RBMS3: variants seen among roughly 807,000 people sequenced by gnomAD.
The protein encoded by RBMS3 is RNA binding motif single stranded interacting protein 3.
RBMS3 carries 27 observed loss-of-function variants against 66.8 expected under a neutral mutation model. The ratio of observed to expected loss-of-function variants is 0.40; its 90% CI spans 0.30 to 0.56. RBMS3 has a LOEUF of 0.56. Among genes scored for constraint, RBMS3 ranks in the 20% least tolerant of loss-of-function variants. RBMS3 has a pLI of 0.40. For missense variants in RBMS3, 513 were observed against 549.5 expected, an observed-to-expected ratio of 0.93 and a Z score of 0.66; for synonymous variants, 188 against 183.0, an observed-to-expected ratio of 1.03 and a Z score of -0.22.
intron 6 of RBMS3, 89 bp from the exon 7 acceptor site, chr3:29,868,769 A>C: frequency 9.1e-7 from 1 of 1,093,112 alleles, no homozygotes. Context: ...TTCAAAAGAT[A>C]CTCATTACAA....
In RBMS3 at chr3:29,968,521, G is replaced by A. The variant is rs1004845627; in HGVS notation, c.1099-19622G>A. Among the ~76,000 whole-genome samples the A allele has an allele frequency of 2.7e-5, 4 of 150,120 alleles. No individual in the cohort carries two copies. In the Admixed American group the frequency reaches 2.7e-4, roughly 10 times the overall value. On this transcript the variant is annotated intron_variant, in intron 12 of 14. Transcript: ENST00000383767. ...CCCGGTGAGCTCCCAGGGCCTTTCTGCTGCTTCCTCTATCCCTGTATTTCA... is the reference window on the plus strand; with the variant it reads ...CCCGGTGAGCTCCCAGGGCCTTTCTACTGCTTCCTCTATCCCTGTATTTCA...
At chr3:29,472,661 C>T (rs2042775909) in intron 2 of RBMS3, among the ~76,000 whole-genome samples, 2 of 152,040 alleles carry the variant, frequency 1.3e-5, no homozygotes, top group Admixed American at 1.3e-4. Flanking sequence ...AGTGTTACAG[C>T]TCTTAAGGCG....
chr3:29,704,068 T>C (rs566503852), intron 4 of RBMS3, among the ~76,000 whole-genome samples: 46 of 152,322 alleles, frequency 3.0e-4, no homozygotes, highest in African/African-American at 1.1e-3. Flanking sequence ...GATTGGACTG[T>C]CTAGTTGCAG....
At chr3:29,778,554 G>A (rs997416353) in intron 6 of RBMS3, among the ~76,000 whole-genome samples, 18 of 151,598 alleles carry the variant, frequency 1.2e-4, no homozygotes, top group African/African-American at 4.3e-4. Context: ...GTTCCATCTT[G>A]CAGATGAGGA....
chr3:29,726,568 C>A (rs894993021), intron 4 of RBMS3, among the ~76,000 whole-genome samples: 1 of 152,040 alleles, frequency 6.6e-6, no homozygotes, highest in African/African-American at 2.4e-5. Flanking sequence ...ACCAACAAGA[C>A]AAGCAGAGAT....
intron 3 of RBMS3, among the ~76,000 whole-genome samples, chr3:29,553,536 G>A (rs2149035254): frequency 6.6e-6 from 1 of 152,136 alleles, no homozygotes; most frequent in Admixed American, 6.5e-5. Flanking sequence ...GAATAATCTT[G>A]GGCCAGGTGG....
chr3:29,793,191 A>G (rs984345865), intron 6 of RBMS3, among the ~76,000 whole-genome samples: 26 of 151,734 alleles, frequency 1.7e-4, no homozygotes, highest in African/African-American at 6.0e-4. Flanking sequence ...AGATTGCACC[A>G]CTGCACTTCA....
chr3:29,987,974 G>A (rs1698545340), intron 12 of RBMS3, 169 bp from the exon 13 acceptor site: 1 of 561,128 alleles, frequency 1.8e-6, no homozygotes, highest in Non-Finnish European at 3.2e-6. Flanking sequence ...AGCAAGCAAA[G>A]GCCTTTCAAT....
intron 1 of RBMS3, among the ~76,000 whole-genome samples, chr3:29,410,701 T>C (rs1042925672): frequency 6.6e-6 from 1 of 152,198 alleles, no homozygotes; most frequent in African/African-American, 2.4e-5. Context: ...AGAAAGTACA[T>C]ATTACTTTTT....
intron 1 of RBMS3, among the ~76,000 whole-genome samples, chr3:29,299,115 C>G (rs1031518217): frequency 6.6e-6 from 1 of 151,860 alleles, no homozygotes; most frequent in East Asian, 1.9e-4. Context: ...AGGGAGAAGA[C>G]AGTCTTGGGC....
chr3:29,959,297 A>G (rs1161965096), intron 12 of RBMS3, among the ~76,000 whole-genome samples: 1 of 152,170 alleles, frequency 6.6e-6, no homozygotes. Flanking sequence ...TTGACTTAGC[A>G]TGTTCAATTT....
chr3:29,703,170 A>G (rs932640385), intron 4 of RBMS3, among the ~76,000 whole-genome samples: 3 of 152,204 alleles, frequency 2.0e-5, no homozygotes, highest in Admixed American at 6.5e-5. Flanking sequence ...ATTGCATTAC[A>G]TTTCCGAAGC....
At chr3:29,513,042 C>A (rs1027725903) in intron 3 of RBMS3, among the ~76,000 whole-genome samples, 3 of 152,046 alleles carry the variant, frequency 2.0e-5, no homozygotes, top group Non-Finnish European at 4.4e-5. Context: ...TCAGCAAGAC[C>A]CCTCAGCAGC....
intron 5 of RBMS3, among the ~76,000 whole-genome samples, chr3:29,754,472 C>A (rs944015740): frequency 3.4e-4 from 51 of 152,204 alleles, no homozygotes; most frequent in Admixed American, 3.3e-4. Flanking sequence ...GCATTCAAAT[C>A]TGAGGAGGGC....
intron 6 of RBMS3, among the ~76,000 whole-genome samples, chr3:29,833,543 G>A (rs1177284665): frequency 6.6e-6 from 1 of 152,200 alleles, no homozygotes; most frequent in South Asian, 2.1e-4. Context: ...TGAATAAAAT[G>A]AAAATTGCAA....
At chr3:29,662,880 G>A (rs749846983) in intron 4 of RBMS3, among the ~76,000 whole-genome samples, 19 of 152,186 alleles carry the variant, frequency 1.2e-4, no homozygotes, top group South Asian at 4.1e-4. Flanking sequence ...TAAAACATCC[G>A]TTTCTTCTAA....
chr3:29,322,015 C>T lies in RBMS3; in HGVS notation c.75+40259C>T, dbSNP rs144866964. ...TTAATAATGAGACTGTACAAGAATA[C>T]GTGATAAAATTGTAGAAAAAGAAAT... On this transcript the variant is annotated intron_variant, in intron 1 of 14. Coordinates refer to ENST00000383767, the MANE Select transcript of RBMS3 (RefSeq NM_001003793.3). Among the ~76,000 whole-genome samples the T allele has an allele frequency of 1.9e-4, 29 of 152,162 alleles. 3 individuals are homozygous for T. In the South Asian group the frequency reaches 2.5e-3, roughly 13 times the overall value.
chr3:29,901,153 T>C (rs1364215036), intron 10 of RBMS3, among the ~76,000 whole-genome samples: 2 of 151,718 alleles, frequency 1.3e-5, no homozygotes, highest in Non-Finnish European at 2.9e-5. Context: ...CTATAAATCA[T>C]ACCACTATGC....
chr3:29,355,180 A>G (rs903774055), intron 1 of RBMS3, among the ~76,000 whole-genome samples: 2 of 152,088 alleles, frequency 1.3e-5, no homozygotes, highest in East Asian at 1.9e-4. Flanking sequence ...GGCCATGTCA[A>G]TCTTGCCTGT....
Sources: gnomAD v4.1 joint callset for allele counts (sites outside exome capture counted in the v4.1 genomes callset) on GRCh38, gnomAD v4.1.1 for gene constraint, MANE v1.5 for transcripts, NCBI Gene and HGNC (gene_info 2026-07-23, HGNC 2026-07-21) for gene names.